Variants in SAFB2 observed in about 807,000 individuals in gnomAD.
The protein encoded by SAFB2 is scaffold attachment factor B2.
Under a neutral mutation model 100.6 loss-of-function variants are expected in SAFB2, and 32 were observed. The ratio of observed to expected loss-of-function variants is 0.32; its 90% CI spans 0.24 to 0.43. SAFB2 has a LOEUF of 0.43. SAFB2 is among the 20% of genes least tolerant of loss of function. SAFB2 has a pLI of 1.00. For synonymous variants in SAFB2, 500 were observed against 439.4 expected, an observed-to-expected ratio of 1.14 and a Z score of -1.72; for missense variants, 1,185 against 1,163.4, an observed-to-expected ratio of 1.02 and a Z score of -0.27.
chr19:5,615,443 C>A (rs551924166), intron 4 of SAFB2, among the ~76,000 whole-genome samples: 1 of 152,004 alleles, frequency 6.6e-6, no homozygotes, highest in South Asian at 2.1e-4. Flanking sequence ...CACGGTGGAC[C>A]ACACCTATAA....
intron 2 of SAFB2, among the ~76,000 whole-genome samples, chr19:5,616,902 G>T (rs911569676): frequency 6.6e-6 from 1 of 151,868 alleles, no homozygotes; most frequent in African/African-American, 2.4e-5. Context: ...CACCAGCCTC[G>T]GTCTCCCAAA....
intron 2 of SAFB2, among the ~76,000 whole-genome samples, chr19:5,618,825 C>T (rs2053086479): frequency 6.6e-6 from 1 of 152,236 alleles, no homozygotes; most frequent in South Asian, 2.1e-4. Flanking sequence ...GAAAAGCTGC[C>T]GCTGCTGGGG....
At chr19:5,591,097 G>A (rs375265322) in intron 17 of SAFB2, among the ~76,000 whole-genome samples, 35 of 152,092 alleles carry the variant, frequency 2.3e-4, no homozygotes, top group East Asian at 9.7e-4. Flanking sequence ...TGGGCTAAAC[G>A]ACAACCACCA....
At chr19:5,621,467 A>G in intron 1 of SAFB2, 71 bp from the exon 2 acceptor site, 1 of 1,000,508 alleles carries the variant, frequency 1.0e-6, no homozygotes, top group Non-Finnish European at 1.6e-6. Context: ...TACAAGTAAC[A>G]ACCTCCCATG....
intron 13 of SAFB2, among the ~76,000 whole-genome samples, chr19:5,597,287 TG>T (rs2052553092): frequency 6.6e-6 from 1 of 152,158 alleles, no homozygotes; most frequent in Non-Finnish European, 1.5e-5. Context: ...TAAAAGAGGC[TG>T]GGAGTGGTGG....
intron 2 of SAFB2, among the ~76,000 whole-genome samples, chr19:5,620,385 C>T (rs1458764757): frequency 3.3e-5 from 5 of 152,196 alleles, no homozygotes; most frequent in Non-Finnish European, 7.3e-5. Flanking sequence ...GCACAGGAAA[C>T]CTAAATTATA....
chr19:5,621,781 C>G (rs995464951), intron 1 of SAFB2, among the ~76,000 whole-genome samples: 9 of 152,250 alleles, frequency 5.9e-5, no homozygotes, highest in African/African-American at 2.2e-4. Context: ...GGAGGAACAG[C>G]AGCCAGCCTG....
chr19:5,609,872 A>C (rs2052869343), intron 9 of SAFB2, 123 bp downstream of exon 9: 1 of 822,858 alleles, frequency 1.2e-6, no homozygotes, highest in Non-Finnish European at 2.0e-6. Flanking sequence ...TCCTGGGCTC[A>C]AGCAATCCTC....
chr19:5,621,296 A>AT lies in SAFB2; in HGVS notation c.274+12dup. On this transcript the variant is annotated intron_variant, in intron 2 of 20. Coordinates refer to ENST00000252542, the MANE Select transcript of SAFB2 (RefSeq NM_014649.3). ...TCTGAACACTCAAGCCCCAAGCAGC[A>AT]TATGTACAATACCTTTAACACATCT... 2 of 1,557,152 alleles carry AT rather than the reference A, an allele frequency of 1.3e-6. No homozygotes were observed. The highest frequency in any genetic ancestry group is 1.8e-6 in the Non-Finnish European group (2 of 1,127,972).
At chr19:5,604,759 G>C in intron 10 of SAFB2, 28 bp downstream of exon 10, 1 of 1,613,840 alleles carries the variant, frequency 6.2e-7, no homozygotes, top group Non-Finnish European at 8.5e-7. Flanking sequence ...CTCCATTTGC[G>C]AGTTACCATA....
intron 9 of SAFB2, among the ~76,000 whole-genome samples, chr19:5,609,770 T>C (rs1240677371): frequency 1.3e-5 from 2 of 152,154 alleles, no homozygotes; most frequent in Admixed American, 6.5e-5. Flanking sequence ...GGAAACAAGG[T>C]GCACTGCACA....
chr19:5,592,483 G>A (rs1599229246), intron 16 of SAFB2, among the ~76,000 whole-genome samples: 1 of 149,326 alleles, frequency 6.7e-6, no homozygotes, highest in South Asian at 2.1e-4. Flanking sequence ...AGTGTAGATG[G>A]CCTGCACTCA....
chr19:5,590,534 G>A (rs1358885887), intron 17 of SAFB2, 126 bp from the exon 18 acceptor site: 4 of 1,107,066 alleles, frequency 3.6e-6, no homozygotes, highest in East Asian at 2.9e-5. Flanking sequence ...GGACTGAAGG[G>A]TGCAGTCTCA....
intron 11 of SAFB2, among the ~76,000 whole-genome samples, chr19:5,603,772 T>C (rs1024392008): frequency 1.3e-5 from 2 of 152,040 alleles, no homozygotes; most frequent in Non-Finnish European, 2.9e-5. Context: ...AACACAGCAA[T>C]GCTTTTGCCA....
Position 5,622,750 on chromosome 19 carries a change from C to G in SAFB2, c.-35G>C. ...CCCGTCTTCGCCACCGACTCAGTCG[C>G]ACACCGCCGGCAGCTATAGCGGCTC... On this transcript the variant is annotated 5_prime_UTR_variant, in exon 1 of 21. Coordinates refer to ENST00000252542, the MANE Select transcript of SAFB2 (RefSeq NM_014649.3). 6.4e-7 allele frequency: 1 copy of G among 1,572,338 alleles called. No individual in the cohort carries two copies. The highest frequency in any genetic ancestry group is 8.6e-7 in the Non-Finnish European group (1 of 1,164,128).
chr19:5,590,437 A>C, intron 17 of SAFB2, 29 bp from the exon 18 acceptor site: 1 of 1,576,008 alleles, frequency 6.3e-7, no homozygotes, highest in Non-Finnish European at 8.6e-7. Flanking sequence ...ACAGGGTGAC[A>C]CTGACCATGT....
At chr19:5,614,768 A>G (rs1055027158) in intron 4 of SAFB2, among the ~76,000 whole-genome samples, 1 of 152,232 alleles carries the variant, frequency 6.6e-6, no homozygotes, top group Non-Finnish European at 1.5e-5. Context: ...CCAAAACACT[A>G]GAAGTGAAAA....
intron 13 of SAFB2, among the ~76,000 whole-genome samples, chr19:5,596,698 C>T (rs2052542716): frequency 6.6e-6 from 1 of 152,074 alleles, no homozygotes; most frequent in African/African-American, 2.4e-5. Context: ...CAACTGACTC[C>T]CATTTCCAAG....
chr19:5,587,262 T>C lies in SAFB2; in HGVS notation c.2843A>G (p.His948Arg), dbSNP rs764399618. 6.2e-7 allele frequency: 1 copy of C among 1,603,372 alleles called. No individual in the cohort carries two copies. Among genetic ancestry groups the C allele is most frequent in the Non-Finnish European group, 8.5e-7 (1 of 1,175,720 alleles). ...HPHPHPPPYP[H>R]FTRRY is the part of the protein sequence containing the mutation. ...TGGGACTTAGTAGCGGCGGGTGAAG[T>C]GGGGGTACGGGGGGGGATGAGGGTG... Residue 948 changes from histidine to arginine, a missense_variant, in exon 21 of 21, where the codon CAC (histidine) becomes CGC (arginine). This residue lies in a region of SAFB2 where 740 missense variants were observed against 687.1 expected (regional missense o/e 1.08). Coordinates refer to ENST00000252542, the MANE Select transcript of SAFB2 (RefSeq NM_014649.3). This position sits in a 1 kb window ranked among gnomAD's most constrained non-coding sequence, Gnocchi z 4.9.
Sources: allele counts gnomAD v4.1 joint callset (sites outside exome capture counted in the v4.1 genomes callset), GRCh38; gene constraint gnomAD v4.1.1; regional missense constraint gnomAD v4.1.1; non-coding constraint Gnocchi (gnomAD v3.1); transcripts MANE v1.5; gene names NCBI Gene and HGNC (gene_info 2026-07-23, HGNC 2026-07-21).